ECSIT: variants seen among roughly 807,000 people sequenced by gnomAD.
The protein encoded by ECSIT is evolutionarily conserved signaling intermediate in Toll pathway, mitochondrial.
Under a neutral mutation model 36.8 loss-of-function variants are expected in ECSIT, and 29 were observed. The observed-to-expected ratio is 0.79, with a 90% confidence interval of 0.59 to 1.08. The LOEUF (loss-of-function observed/expected upper bound fraction) is 1.08, where lower values mean the gene tolerates loss of function less well. ECSIT is among the 50% of genes least tolerant of loss of function. ECSIT has a pLI of 0.00. For synonymous variants in ECSIT, 231 were observed against 234.8 expected (o/e 0.98, Z 0.15); for missense variants, 542 against 581.0 (o/e 0.93, Z 0.69).
chr19:11,514,137 G>C lies in ECSIT; in HGVS notation c.181C>G (p.Pro61Ala), dbSNP rs778906515. The stretch of plus-strand genomic sequence containing the variant: ...AGAGCCTTGGTGGGCCTCTGCCGGG[G>C]TTCCGGTGGGCTGGGAACCAGGGAC... Reference protein sequence around the residue: ...EQSLVPSPPEPRQRPTKALVP... With the variant: ...EQSLVPSPPEARQRPTKALVP... The change falls in exon 3 of 8, where the codon CCC becomes GCC. Residue 61 changes from proline to alanine, a missense_variant. By Grantham distance (27) the Pro-to-Ala change is conservative. Transcript: ENST00000270517. 6.2e-7 allele frequency: 1 copy of C among 1,613,934 alleles called. No homozygotes were observed. Among genetic ancestry groups the C allele is most frequent in the East Asian group, 2.2e-5 (1 of 44,868 alleles).
chr19:11,523,066 A>G (rs1972140588), intron 1 of ECSIT, among the ~76,000 whole-genome samples: 1 of 152,008 alleles, frequency 6.6e-6, no homozygotes, highest in South Asian at 2.1e-4. Context: ...GTGAAAGAAA[A>G]AAAAGTTACA....
chr19:11,522,517 G>C (rs1235286217), intron 1 of ECSIT: 2 of 919,020 alleles, frequency 2.2e-6, no homozygotes. Flanking sequence ...CCCTCACCCA[G>C]GTGTGCCCCA....
Position 11,514,091 on chromosome 19 carries a change from A to G in ECSIT, c.227T>C (p.Phe76Ser), listed in dbSNP as rs1404164287. The G allele has an allele frequency of 6.2e-7, 1 of 1,614,026 alleles. No individual in the cohort carries two copies. The highest frequency in any genetic ancestry group is 1.3e-5 in the African/African-American group (1 of 75,036). ...TKALVPFEDL[F>S]GQAPGGERDK... ...CCGTTCCCCACCAGGCGCCTGCCCA[A>G]ACAGGTCCTCAAAGGGCACCAGAGC... Residue 76 changes from phenylalanine (F) to serine (S), a missense_variant, in exon 3 of 8, where the codon TTT becomes TCT. Phe to Ser is a radical substitution (Grantham distance 155). Coordinates refer to ENST00000270517, the MANE Select transcript of ECSIT (RefSeq NM_016581.5).
Position 11,507,561 on chromosome 19 carries a change from TC to T in ECSIT, c.946del (p.Glu316LysfsTer22). 6.2e-7 allele frequency: 1 copy of T among 1,613,938 alleles called. No homozygotes were observed. The highest frequency in any genetic ancestry group is 8.5e-7 in the Non-Finnish European group (1 of 1,179,920). On this transcript the variant is annotated frameshift_variant and splice_region_variant, in exon 7 of 8. Coordinates refer to ENST00000270517, the MANE Select transcript of ECSIT (RefSeq NM_016581.5). LOFTEE classifies it high-confidence loss of function. ...CCACTCCTCCGGCGTCTCTTCCACT[TC>T]CTACTCCAAGGTGGGGAGTGCAGGC... Reference protein sequence around the residue: ...RADLLPPEEREVEETPEEWNL... With the variant: ...RADLLPPEERXVEETPEEWNL...
chr19:11,511,454 G>C (rs530660955), intron 4 of ECSIT, among the ~76,000 whole-genome samples: 1 of 152,042 alleles, frequency 6.6e-6, no homozygotes, highest in African/African-American at 2.4e-5. Context: ...GTGGAGCTGA[G>C]ACCGGAATAA....
Position 11,513,071 on chromosome 19 carries a change from C to T in ECSIT, c.723G>A (p.Arg241=), listed in dbSNP as rs750902861. ...LRHMEPDLSA[R]VTIYQVPLPK... is the part of the protein sequence containing the mutation. ...GGGCGGATACCTGGTAGATGGTGAC[C>T]CTGGCACTAAGGTCAGGCTCCATGT... Residue 241 remains arginine, a synonymous_variant, in exon 4 of 8, where the codon AGG becomes AGA. Coordinates refer to ENST00000270517, the MANE Select transcript of ECSIT (RefSeq NM_016581.5). The T allele has an allele frequency of 1.7e-5, 27 of 1,614,066 alleles. No homozygotes were observed. Among genetic ancestry groups the T allele is most frequent in the Non-Finnish European group, 2.1e-5 (25 of 1,180,022 alleles).
chr19:11,528,628 C>T (rs1454422622), intron 1 of ECSIT: 3 of 152,204 alleles, frequency 2.0e-5, no homozygotes, highest in Non-Finnish European at 4.4e-5. Flanking sequence ...GTGTCTCCAG[C>T]ACCAAGGACA....
chr19:11,506,529 CTTTTTTT>C (rs71166605), intron 7 of ECSIT, 101 bp from the exon 8 acceptor site: 155 of 678,168 alleles, frequency 2.3e-4, no homozygotes, highest in South Asian at 2.7e-4. Context: ...CTTCCACTTC[CTTTTTTT>C]TTTTTTTTTT....
At position 11,514,059 on chromosome 19, in the gene ECSIT, C is replaced by T; in HGVS notation, c.259G>A (p.Ala87Thr). ...GQAPGGERDK[A>T]SFLQTVQKFA... ...TTCTGCACCGTCTGCAGGAAGCTCG[C>T]CTTGTCCCGTTCCCCACCAGGCGCC... Residue 87 changes from alanine (A) to threonine (T), a missense_variant, in exon 3 of 8, where the codon GCG (alanine) becomes ACG (threonine). Coordinates refer to ENST00000270517, the MANE Select transcript of ECSIT (RefSeq NM_016581.5). The T allele has an allele frequency of 6.2e-7, 1 of 1,614,196 alleles. No homozygotes were observed. The highest frequency in any genetic ancestry group is 8.5e-7 in the Non-Finnish European group (1 of 1,180,012).
In ECSIT at chr19:11,519,221, C is replaced by T. The variant is rs747507348; in HGVS notation, c.-23-28G>A. ...GGCCCAAAAGAAGATTCAGCATTAG[C>T]CTGGCACCTTACAGATGCTAACAGA... On this transcript the variant is annotated intron_variant, in intron 1 of 7. Coordinates refer to ENST00000270517, the MANE Select transcript of ECSIT (RefSeq NM_016581.5). The surrounding 1 kb of genome is among the most constrained non-coding windows in gnomAD (Gnocchi z 4.4). 7.5e-6 allele frequency: 11 copies of T among 1,473,522 alleles called. No homozygotes were observed. In the South Asian group the frequency reaches 1.3e-4, roughly 18 times the overall value. 91.3% of individuals were successfully genotyped at this position (1,473,522 alleles called of 1,614,324 possible). A position where few individuals can be genotyped will look rare whatever the true frequency, so the allele number is the denominator to read the frequency against.
Position 11,506,100 on chromosome 19 carries a change from A to T in ECSIT, c.*84T>A, listed in dbSNP as rs942227094. The T allele has an allele frequency of 1.9e-6, 3 of 1,546,786 alleles. No homozygotes were observed. The African/African-American group carries it at 4.1e-5, about 21-fold the overall frequency. On this transcript the variant is annotated 3_prime_UTR_variant, in exon 8 of 8. Coordinates refer to ENST00000270517, the MANE Select transcript of ECSIT (RefSeq NM_016581.5). ...GAGAGCCCCAAGCAGGAAAACATTG[A>T]TTTGCTGTACACTCAAAGGGCATCT... is the stretch of plus-strand genomic sequence containing the variant.
In ECSIT at chr19:11,506,174, C is replaced by A; in HGVS notation, c.*10G>T. The A allele has an allele frequency of 6.2e-7, 1 of 1,603,014 alleles. No homozygotes were observed. On this transcript the variant is annotated 3_prime_UTR_variant, in exon 8 of 8. Coordinates refer to ENST00000270517, the MANE Select transcript of ECSIT (RefSeq NM_016581.5). ...TCGGGCCACAGCCCGTGCCCTCGCGCCGGCTCAGACTAGCTCTGGCCCTGC... is the reference window on the plus strand; with the variant it reads ...TCGGGCCACAGCCCGTGCCCTCGCGACGGCTCAGACTAGCTCTGGCCCTGC...
At chr19:11,515,928 G>C (rs191480327) in intron 2 of ECSIT, 2 of 151,934 alleles carry the variant, frequency 1.3e-5, no homozygotes, top group Non-Finnish European at 2.9e-5. Context: ...CACCATGCCC[G>C]GCCTAATTTT....
At chr19:11,527,214 C>T (rs1175057117) in intron 1 of ECSIT, among the ~76,000 whole-genome samples, 6 of 152,140 alleles carry the variant, frequency 3.9e-5, no homozygotes, top group Non-Finnish European at 8.8e-5. Context: ...CCCAGCTATT[C>T]GGGAGCCTGA....
chr19:11,527,505 A>AC (rs1470801317), intron 1 of ECSIT, among the ~76,000 whole-genome samples: 1 of 151,982 alleles, frequency 6.6e-6, no homozygotes, highest in Non-Finnish European at 1.5e-5. Context: ...ACATAGAGAG[A>AC]CCCCATCTCT....
At chr19:11,522,221 A>G (rs1277179614) in intron 1 of ECSIT, 7 of 562,768 alleles carry the variant, frequency 1.2e-5, no homozygotes, top group Non-Finnish European at 1.9e-5. Context: ...TGCGCTACAA[A>G]CTCCCAGAGC....
At chr19:11,521,381 A>G (rs1972099485) in intron 1 of ECSIT, among the ~76,000 whole-genome samples, 1 of 151,858 alleles carries the variant, frequency 6.6e-6, no homozygotes, top group Non-Finnish European at 1.5e-5. Flanking sequence ...GCACCATTTC[A>G]CATTCCCATC....
At chr19:11,514,903 A>T (rs1429006976) in intron 2 of ECSIT, among the ~76,000 whole-genome samples, 2 of 147,738 alleles carry the variant, frequency 1.4e-5, no homozygotes, top group Non-Finnish European at 3.0e-5. Flanking sequence ...CAGTGGCGTG[A>T]CCTCAGCCCA....
At chr19:11,512,962 C>T (rs1971901290) in intron 4 of ECSIT, 94 bp downstream of exon 4, 2 of 1,287,806 alleles carry the variant, frequency 1.6e-6, no homozygotes, top group African/African-American at 1.5e-5. Context: ...CTTGATTCAC[C>T]ACAATCACTA....
Sources: allele counts gnomAD v4.1 joint callset (sites outside exome capture counted in the v4.1 genomes callset), GRCh38; gene constraint gnomAD v4.1.1; non-coding constraint Gnocchi (gnomAD v3.1); transcripts MANE v1.5; gene names NCBI Gene and HGNC (gene_info 2026-07-23, HGNC 2026-07-21).